Variants in ZNF385D observed in about 807,000 individuals in gnomAD.
ZNF385D encodes zinc finger protein 385D.
A neutral mutation model predicts 35.8 loss-of-function variants in ZNF385D; 15 were observed. That is an observed-to-expected ratio of 0.42 (90% CI 0.28 to 0.64). The LOEUF (loss-of-function observed/expected upper bound fraction) is 0.64. ZNF385D is among the 30% of genes least tolerant of loss of function. The pLI is 0.23. For missense variants in ZNF385D, 474 were observed against 494.6 expected (o/e 0.96, Z 0.39); for synonymous variants, 212 against 186.8 (o/e 1.13, Z -1.10).
intron 3 of ZNF385D, among the ~76,000 whole-genome samples, chr3:22,149,237 A>C (rs6796812): frequency 0.12 from 17,865 of 152,166 alleles, 1,543 homozygotes; most frequent in East Asian, 0.43. Context: ...CTAAAAGTCT[A>C]TATTTATATA....
At chr3:22,265,538 C>G (rs1224022617) in intron 2 of ZNF385D, among the ~76,000 whole-genome samples, 2 of 151,944 alleles carry the variant, frequency 1.3e-5, no homozygotes, top group Non-Finnish European at 2.9e-5. Flanking sequence ...GAAAGCAAGT[C>G]GAACTCAATT....
chr3:22,106,280 G>A (rs779182), intron 3 of ZNF385D, among the ~76,000 whole-genome samples: 118,701 of 152,032 alleles, frequency 0.78, 47,246 homozygotes, highest in Non-Finnish European at 0.84. Context: ...TTAACACATA[G>A]TATCTATTCT....
intron 3 of ZNF385D, among the ~76,000 whole-genome samples, chr3:21,802,661 G>C (rs1195901817): frequency 6.6e-6 from 1 of 152,156 alleles, no homozygotes; most frequent in Non-Finnish European, 1.5e-5. Flanking sequence ...CCTGGACGTA[G>C]AAATACACTC....
intron 3 of ZNF385D, among the ~76,000 whole-genome samples, chr3:22,063,484 A>C (rs1699788482): frequency 6.6e-6 from 1 of 152,226 alleles, no homozygotes; most frequent in Admixed American, 6.5e-5. Context: ...TTTACATAAA[A>C]CTTCCATGTA....
chr3:21,815,426 T>G (rs142708486), intron 3 of ZNF385D, among the ~76,000 whole-genome samples: 2 of 152,094 alleles, frequency 1.3e-5, no homozygotes, highest in African/African-American at 4.8e-5. Context: ...ACAAAAGTGA[T>G]AGACCACTAG....
intron 3 of ZNF385D, among the ~76,000 whole-genome samples, chr3:21,982,414 G>C (rs113027955): frequency 2.6e-5 from 4 of 152,178 alleles, no homozygotes; most frequent in African/African-American, 9.6e-5. Context: ...AATGCTAAGT[G>C]AGTTTTGTGC....
At chr3:22,028,869 A>T (rs1027916262) in intron 3 of ZNF385D, among the ~76,000 whole-genome samples, 1 of 152,172 alleles carries the variant, frequency 6.6e-6, no homozygotes, top group Non-Finnish European at 1.5e-5. Context: ...CTAGGGGACT[A>T]TACTTTGCAG....
chr3:21,872,709 G>T (rs1199799091), intron 3 of ZNF385D, among the ~76,000 whole-genome samples: 1 of 152,126 alleles, frequency 6.6e-6, no homozygotes, highest in South Asian at 2.1e-4. Flanking sequence ...TGCTGAGCTT[G>T]CAAACCTAAA....
At chr3:21,812,286 C>A (rs917918494) in intron 3 of ZNF385D, among the ~76,000 whole-genome samples, 5 of 152,210 alleles carry the variant, frequency 3.3e-5, no homozygotes, top group African/African-American at 1.2e-4. Context: ...GCATGAGTGA[C>A]GCAGAAGATG....
At chr3:21,959,421 T>C (rs1383906157) in intron 3 of ZNF385D, among the ~76,000 whole-genome samples, 1 of 152,166 alleles carries the variant, frequency 6.6e-6, no homozygotes, top group Non-Finnish European at 1.5e-5. Context: ...TGTAAAATAC[T>C]ATAGTGTTTG....
chr3:22,346,657 T>G (rs1000349563), intron 2 of ZNF385D, among the ~76,000 whole-genome samples: 2 of 152,204 alleles, frequency 1.3e-5, no homozygotes, highest in African/African-American at 4.8e-5. Flanking sequence ...CATTTGCCTT[T>G]TATACAATTT....
intron 2 of ZNF385D, among the ~76,000 whole-genome samples, chr3:21,590,384 A>AT (rs1466750297): frequency 1.3e-5 from 2 of 152,138 alleles, no homozygotes; most frequent in South Asian, 2.1e-4. Flanking sequence ...ATAATGTTTA[A>AT]TTTTTTAAGT....
At chr3:21,429,423 ACATC>A (rs1701188071) in intron 5 of ZNF385D, among the ~76,000 whole-genome samples, 1 of 152,104 alleles carries the variant, frequency 6.6e-6, no homozygotes, top group Non-Finnish European at 1.5e-5. Context: ...GACTTGTAAT[ACATC>A]GAGATGATAT....
intron 2 of ZNF385D, among the ~76,000 whole-genome samples, chr3:22,335,562 A>G (rs1385983016): frequency 1.3e-5 from 2 of 152,104 alleles, no homozygotes; most frequent in African/African-American, 4.8e-5. Context: ...ATACCCTCTT[A>G]CAGAAATGCA....
rs114749930 is a variant in ZNF385D at position 22,358,486 on chromosome 3, T to A, written c.106+13964A>T. Among the ~76,000 whole-genome samples, 1,503 of 151,820 alleles carry A rather than the reference T, an allele frequency of 9.9e-3. 24 individuals carry two copies. The highest frequency in any genetic ancestry group is 0.034 in the African/African-American group (1,413 of 41,468). ...TCTATATAGAGGACAATACAGCAGG[T>A]CTGGTGGGAGAGAGTGAAGTTTTAA... On this transcript the variant is annotated intron_variant, in intron 2 of 5. Transcript: ENST00000494108.
chr3:21,880,918 T>C (rs557771494), intron 3 of ZNF385D, among the ~76,000 whole-genome samples: 1 of 152,102 alleles, frequency 6.6e-6, no homozygotes, highest in East Asian at 1.9e-4. Flanking sequence ...AGCCACACCA[T>C]TTCCTTAAAG....
At chr3:21,542,133 A>G (rs2062193935) in intron 3 of ZNF385D, among the ~76,000 whole-genome samples, 1 of 152,200 alleles carries the variant, frequency 6.6e-6, no homozygotes, top group African/African-American at 2.4e-5. Flanking sequence ...TTTCTAGGTC[A>G]TGCTCAAGTC....
At chr3:21,731,541 G>A (rs577013813) in intron 1 of ZNF385D, among the ~76,000 whole-genome samples, 1 of 152,230 alleles carries the variant, frequency 6.6e-6, no homozygotes, top group South Asian at 2.1e-4. Context: ...TTAACATTAA[G>A]GTTCACTCTT....
At chr3:22,162,676 G>T (rs558402924) in intron 3 of ZNF385D, among the ~76,000 whole-genome samples, 2 of 152,188 alleles carry the variant, frequency 1.3e-5, no homozygotes, top group South Asian at 4.1e-4. Flanking sequence ...CTCAGGATAA[G>T]GTATAAACTT....
Sources: gnomAD v4.1 joint callset for allele counts (sites outside exome capture counted in the v4.1 genomes callset) on GRCh38, gnomAD v4.1.1 for gene constraint, MANE v1.5 for transcripts, NCBI Gene and HGNC (gene_info 2026-07-23, HGNC 2026-07-21) for gene names.